Variants in UBE2V1 observed in about 807,000 individuals in gnomAD.
The protein encoded by UBE2V1 is ubiquitin-conjugating enzyme E2 variant 1.
Under a neutral mutation model 19.6 loss-of-function variants are expected in UBE2V1, and 15 were observed. The ratio of observed to expected loss-of-function variants is 0.77; its 90% confidence interval spans 0.51 to 1.18. The LOEUF is 1.18. Ranked by LOEUF, UBE2V1 falls within the 50% of genes most tolerant of loss-of-function variation. The probability of loss-of-function intolerance (pLI) is 0.00; values close to 1 mark genes in which losing one functional copy is unlikely to be tolerated. For missense variants in UBE2V1, 125 were observed against 184.8 expected (o/e 0.68, Z 1.88); for synonymous variants, 60 against 60.7 (o/e 0.99, Z 0.05).
intron 1 of UBE2V1, among the ~76,000 whole-genome samples, chr20:50,104,639 C>CAG (rs1388168473): frequency 2.9e-5 from 3 of 102,432 alleles, no homozygotes; most frequent in Non-Finnish European, 5.3e-5. Context: ...GCCAGGGCGA[C>CAG]AGTGAGACTC....
intron 1 of UBE2V1, among the ~76,000 whole-genome samples, chr20:50,108,431 C>T (rs2080532012): frequency 1.3e-5 from 2 of 152,242 alleles, no homozygotes; most frequent in African/African-American, 2.4e-5. Flanking sequence ...AAGATGCTTG[C>T]GAGGCCTACC....
chr20:50,106,556 C>T (rs751505036), intron 1 of UBE2V1, among the ~76,000 whole-genome samples: 6 of 152,136 alleles, frequency 3.9e-5, no homozygotes, highest in African/African-American at 1.2e-4. Context: ...GCTGGCTGGG[C>T]GTGGTGGCTC....
At chr20:50,106,875 A>AACAAC (rs1555880261) in intron 1 of UBE2V1, among the ~76,000 whole-genome samples, 6 of 74,758 alleles carry the variant, frequency 8.0e-5, no homozygotes, top group African/African-American at 2.0e-4. Flanking sequence ...CAACAACAAC[A>AACAAC]AAAAAAAAAA....
intron 1 of UBE2V1, 83 bp downstream of exon 1, chr20:50,113,024 C>T: frequency 1.7e-6 from 1 of 574,774 alleles, no homozygotes; most frequent in South Asian, 5.6e-5. Flanking sequence ...ACCCTGGCTC[C>T]GCTGCAGGAG....
At chr20:50,107,164 T>C (rs1424747685) in intron 1 of UBE2V1, among the ~76,000 whole-genome samples, 4 of 152,178 alleles carry the variant, frequency 2.6e-5, no homozygotes, top group African/African-American at 9.7e-5. Context: ...TTCTTCTCCT[T>C]CTCTAGAGCA....
intron 2 of UBE2V1, among the ~76,000 whole-genome samples, chr20:50,094,307 T>TTATATATA (rs1237522488): frequency 1.3e-4 from 12 of 89,814 alleles, no homozygotes; most frequent in African/African-American, 6.4e-4. Context: ...TTATATATAA[T>TTATATATA]ATATGTCCAT....
intron 2 of UBE2V1, chr20:50,084,813 T>TTCCATCC (rs1244645072): frequency 8.1e-6 from 2 of 247,902 alleles, no homozygotes; most frequent in African/African-American, 4.6e-5. Context: ...CTCCCTGCAG[T>TTCCATCC]CTTTTTTTTT....
At chr20:50,088,459 TGTAA>T (rs1454394681) in intron 2 of UBE2V1, among the ~76,000 whole-genome samples, 3 of 152,272 alleles carry the variant, frequency 2.0e-5, no homozygotes, top group East Asian at 3.9e-4. Flanking sequence ...TCTATAAGCC[TGTAA>T]GTATTAGAAA....
chr20:50,115,629 G>C, upstream of UBE2V1: 12 of 1,362,350 alleles, frequency 8.8e-6, no homozygotes, highest in Non-Finnish European at 1.1e-5. Context: ...TTGCTGTGGA[G>C]ATAAAATGCT....
chr20:50,087,158 G>C (rs906885325), intron 2 of UBE2V1, among the ~76,000 whole-genome samples: 9 of 152,012 alleles, frequency 5.9e-5, no homozygotes, highest in Non-Finnish European at 1.0e-4. Context: ...CATCTGGGGG[G>C]GCCGAGGTGG....
intron 1 of UBE2V1, among the ~76,000 whole-genome samples, chr20:50,112,777 G>A (rs1389840782): frequency 1.3e-5 from 2 of 152,222 alleles, no homozygotes; most frequent in Non-Finnish European, 2.9e-5. Flanking sequence ...CGCCCCTTAA[G>A]AGTCGCCAGC....
chr20:50,106,593 G>A (rs780951249), intron 1 of UBE2V1, among the ~76,000 whole-genome samples: 3 of 152,184 alleles, frequency 2.0e-5, no homozygotes, highest in Non-Finnish European at 4.4e-5. Context: ...CACTTTGGGA[G>A]GCAGAGATGG....
upstream of UBE2V1, chr20:50,115,543 C>G: frequency 6.3e-7 from 1 of 1,592,878 alleles, no homozygotes; most frequent in South Asian, 1.1e-5. Flanking sequence ...TGCTTTGTGA[C>G]TTCAGGTAAG....
At position 50,087,939 on chromosome 20, in the gene UBE2V1, G is replaced by A. The variant is rs116332569; in HGVS notation, c.172-3685C>T. Reference sequence around the variant, plus strand: ...GTATAGACGATACATTGTAGGATATGTATAGCCTATAAAAGCAGACATACA... The same window carrying A: ...GTATAGACGATACATTGTAGGATATATATAGCCTATAAAAGCAGACATACA... On this transcript the variant is annotated intron_variant, in intron 2 of 3. Coordinates refer to ENST00000371674, the MANE Select transcript of UBE2V1 (RefSeq NM_001032288.3). Among the ~76,000 whole-genome samples, 239 of 152,168 alleles carry A rather than the reference G, an allele frequency of 1.6e-3. 1 individual carries two copies. The highest frequency in any genetic ancestry group is 5.5e-3 in the African/African-American group (229 of 41,506).
intron 1 of UBE2V1, among the ~76,000 whole-genome samples, chr20:50,103,440 C>G (rs1367187812): frequency 6.6e-6 from 1 of 152,192 alleles, no homozygotes; most frequent in African/African-American, 2.4e-5. Flanking sequence ...GAGTCCCACT[C>G]TGTTACCCAG....
At chr20:50,106,728 C>A (rs552841064) in intron 1 of UBE2V1, among the ~76,000 whole-genome samples, 125 of 152,062 alleles carry the variant, frequency 8.2e-4, no homozygotes, top group Middle Eastern at 6.8e-3. Context: ...ACTCAGGGGG[C>A]TGAGGCAGGA....
intron 1 of UBE2V1, among the ~76,000 whole-genome samples, chr20:50,108,242 A>C (rs1027222205): frequency 6.6e-6 from 1 of 152,244 alleles, no homozygotes; most frequent in Non-Finnish European, 1.5e-5. Flanking sequence ...TGGTTAGATT[A>C]GGATGACAAG....
chr20:50,085,877 TTACCCTC>T (rs1364011981), intron 2 of UBE2V1, among the ~76,000 whole-genome samples: 1 of 152,072 alleles, frequency 6.6e-6, no homozygotes, highest in Admixed American at 6.6e-5. Context: ...CCCCTCTCCC[TTACCCTC>T]TACCTGCCAG....
chr20:50,105,667 G>T (rs1208332315), intron 1 of UBE2V1, among the ~76,000 whole-genome samples: 1 of 152,192 alleles, frequency 6.6e-6, no homozygotes, highest in African/African-American at 2.4e-5. Flanking sequence ...GACTCTTACA[G>T]GCCAGGCGCA....
Sources: gnomAD v4.1 joint callset for allele counts (sites outside exome capture counted in the v4.1 genomes callset) on GRCh38, gnomAD v4.1.1 for gene constraint, MANE v1.5 for transcripts, NCBI Gene and HGNC (gene_info 2026-07-23, HGNC 2026-07-21) for gene names.